Variants in PCDHGB3 observed in about 807,000 individuals in gnomAD.
PCDHGB3 encodes the protein protocadherin gamma subfamily B, 3.
PCDHGB3 carries 40 observed loss-of-function variants against 59.2 expected under a neutral mutation model. That is an observed-to-expected ratio of 0.68 (90% CI 0.52 to 0.88). The LOEUF (loss-of-function observed/expected upper bound fraction) is 0.88. Among genes scored for constraint, PCDHGB3 ranks in the 40% least tolerant of loss-of-function variants. PCDHGB3 has a pLI of 0.00. For synonymous variants in PCDHGB3, 581 were observed against 503.6 expected (o/e 1.15, Z -2.06); for missense variants, 1,309 against 1,187.9 (o/e 1.10, Z -1.50).
intron 1 of PCDHGB3, chr5:141,427,973 C>G (rs754410723): frequency 3.1e-6 from 5 of 1,593,936 alleles, no homozygotes; most frequent in Non-Finnish European, 3.4e-6. Flanking sequence ...TGCTGTACCC[C>G]GCGCTGGGGC....
At chr5:141,462,540 T>G (rs2099042148) in intron 1 of PCDHGB3, among the ~76,000 whole-genome samples, 2 of 152,204 alleles carry the variant, frequency 1.3e-5, no homozygotes, top group Non-Finnish European at 2.9e-5. Flanking sequence ...TCAGTGATCT[T>G]TTCTTCTTCA....
At chr5:141,394,748 C>T (rs960054108) in intron 1 of PCDHGB3, 1 of 1,613,414 alleles carries the variant, frequency 6.2e-7, no homozygotes, top group Non-Finnish European at 8.5e-7. Context: ...TCGTGGTGGC[C>T]GTCCAGGACC....
intron 1 of PCDHGB3, chr5:141,427,356 G>A (rs1295421809): frequency 8.7e-6 from 4 of 457,618 alleles, no homozygotes; most frequent in Non-Finnish European, 1.8e-5. Context: ...AACTGAGGAC[G>A]CAGAACCCTG....
chr5:141,485,561 G>A lies in PCDHGB3; in HGVS notation c.2416-9246G>A. 1.9e-6 allele frequency: 3 copies of A among 1,613,008 alleles called. No homozygotes were observed. The highest frequency in any genetic ancestry group is 1.1e-5 in the South Asian group (1 of 91,026). ...AGAGATCGTAGATGTGAATGATCACGCCCCCCGTTTTCCGCGGCAGCAGCT... is the reference window on the plus strand; with the variant it reads ...AGAGATCGTAGATGTGAATGATCACACCCCCCGTTTTCCGCGGCAGCAGCT... On this transcript the variant is annotated intron_variant, in intron 1 of 3. Transcript: ENST00000576222. The surrounding 1 kb of genome is among the most constrained non-coding windows in gnomAD (Gnocchi z 5.7).
rs1407774111 is a variant in PCDHGB3 at position 141,431,569 on chromosome 5, C to G, written c.2415+58760C>G. On this transcript the variant is annotated intron_variant, in intron 1 of 3. Transcript: ENST00000576222. The surrounding 1 kb of genome is among the most constrained non-coding windows in gnomAD (Gnocchi z 4.8). Reference sequence around the variant, plus strand: ...TTGTAGTCAACGCTACCGACCCTGACGAAGGAGTCAATGCGGAAGTGAGGT... The same window carrying G: ...TTGTAGTCAACGCTACCGACCCTGAGGAAGGAGTCAATGCGGAAGTGAGGT... 5.6e-6 allele frequency: 9 copies of G among 1,614,000 alleles called. No homozygotes were observed. Among genetic ancestry groups the G allele is most frequent in the African/African-American group, 2.7e-5 (2 of 74,932 alleles).
intron 1 of PCDHGB3, chr5:141,404,458 C>A: frequency 6.2e-7 from 1 of 1,612,914 alleles, no homozygotes; most frequent in East Asian, 2.2e-5. Context: ...CTCCTCTCTC[C>A]ACCTATGTCT....
chr5:141,505,803 C>T (rs920849273), intron 3 of PCDHGB3, among the ~76,000 whole-genome samples: 29 of 152,116 alleles, frequency 1.9e-4, no homozygotes, highest in African/African-American at 6.5e-4. Flanking sequence ...GGACTTGGAT[C>T]GACTTGCTCA....
chr5:141,461,230 G>T (rs945407206), intron 1 of PCDHGB3, among the ~76,000 whole-genome samples: 2 of 152,024 alleles, frequency 1.3e-5, no homozygotes, highest in African/African-American at 4.8e-5. Flanking sequence ...TTCCATAGAG[G>T]TTGTACTAAT....
chr5:141,426,630 T>C, intron 1 of PCDHGB3: 1 of 398,080 alleles, frequency 2.5e-6, no homozygotes, highest in South Asian at 1.8e-5. Context: ...TCTAAATGTT[T>C]TTCACATAAA....
Position 141,431,755 on chromosome 5 carries a change from AGTCCT to A in PCDHGB3, c.2415+58948_2415+58952del. On this transcript the variant is annotated intron_variant, in intron 1 of 3. Coordinates refer to ENST00000576222, the MANE Select transcript of PCDHGB3 (RefSeq NM_018924.5). This position sits in a 1 kb window ranked among gnomAD's most constrained non-coding sequence, Gnocchi z 4.8. ...ATGCAGGATATTCTGCGCGAGCCAA[AGTCCT>A]GATCACTGTTCTGGACGTGAACGAC... 6.2e-7 allele frequency: 1 copy of A among 1,614,238 alleles called. No individual in the cohort carries two copies. Among genetic ancestry groups the A allele is most frequent in the Non-Finnish European group, 8.5e-7 (1 of 1,180,048 alleles).
At chr5:141,410,600 C>T in intron 1 of PCDHGB3, 1 of 1,608,048 alleles carries the variant, frequency 6.2e-7, no homozygotes, top group Non-Finnish European at 8.5e-7. Flanking sequence ...TTTGACTTCA[C>T]ATCCTGAGAC....
In PCDHGB3 at chr5:141,423,130, G is replaced by A. The variant is rs770258338; in HGVS notation, c.2415+50321G>A. On this transcript the variant is annotated intron_variant, in intron 1 of 3. Coordinates refer to ENST00000576222, the MANE Select transcript of PCDHGB3 (RefSeq NM_018924.5). The stretch of plus-strand genomic sequence containing the variant: ...GGTGCGTACAGCGCGGGCACTGCTG[G>A]ACAGAGACGCGCTCAAGCAGAGCCT... The A allele has an allele frequency of 9.3e-6, 15 of 1,613,582 alleles. No individual in the cohort carries two copies. Among genetic ancestry groups the A allele is most frequent in the Middle Eastern group, 1.6e-4 (1 of 6,072 alleles).
At position 141,423,686 on chromosome 5, in the gene PCDHGB3, A is replaced by T. The variant is rs752078243; in HGVS notation, c.2415+50877A>T. 10 of 1,328,296 alleles carry T rather than the reference A, an allele frequency of 7.5e-6. No homozygotes were observed. The East Asian group carries it at 3.6e-4, about 47-fold the overall frequency. The allele number at this position is 1,328,296 out of a possible 1,614,324, so 82.3% of individuals were successfully genotyped here. The stretch of plus-strand genomic sequence containing the variant: ...GTGAGATTTATTTCTCTGCCTCCTA[A>T]TTGTTGGTGTCTTGGCACAAGTCTT... On this transcript the variant is annotated intron_variant, in intron 1 of 3. Transcript: ENST00000576222.
intron 1 of PCDHGB3, chr5:141,475,814 TC>T: frequency 3.0e-6 from 1 of 338,520 alleles, no homozygotes; most frequent in Non-Finnish European, 5.4e-6. Flanking sequence ...AAAGTGAAGT[TC>T]CTGGCGCTAG....
At chr5:141,415,753 T>TG in intron 1 of PCDHGB3, 2 of 1,381,386 alleles carry the variant, frequency 1.4e-6, no homozygotes, top group Non-Finnish European at 1.9e-6. Context: ...TTTTTTTTTT[T>TG]TTTTTTTTTT....
Position 141,370,362 on chromosome 5 carries a change from CGGATTTA to C in PCDHGB3, c.-31_-25del. The C allele has an allele frequency of 1.3e-6, 2 of 1,517,790 alleles. No individual in the cohort carries two copies. Among genetic ancestry groups the C allele is most frequent in the Non-Finnish European group, 1.8e-6 (2 of 1,134,366 alleles). The allele number at this position is 1,517,790 out of a possible 1,614,324, so 94.0% of individuals were successfully genotyped here. ...GGATTATTTAAAGATCTCCTCTCCTCGGATTTAGAAAGGCAAAGGCGCAGAGAGCGGG... is the reference window on the plus strand; with the variant it reads ...GGATTATTTAAAGATCTCCTCTCCTCGAAAGGCAAAGGCGCAGAGAGCGGG... On this transcript the variant is annotated 5_prime_UTR_variant, in exon 1 of 4. Transcript: ENST00000576222.
chr5:141,428,233 C>A, intron 1 of PCDHGB3: 1 of 1,049,106 alleles, frequency 9.5e-7, no homozygotes, highest in Non-Finnish European at 1.4e-6. Context: ...AGACAGCCTG[C>A]AGGAGGCACT....
At position 141,490,982 on chromosome 5, in the gene PCDHGB3, G is replaced by T; in HGVS notation, c.2416-3825G>T. ...CACTCAGCCCCCCAGCGTCTCCCTC[G>T]CTCTGCTCCTCCTGGCTCCTTGGTC... On this transcript the variant is annotated intron_variant, in intron 1 of 3. Coordinates refer to ENST00000576222, the MANE Select transcript of PCDHGB3 (RefSeq NM_018924.5). This position sits in a 1 kb window ranked among gnomAD's most constrained non-coding sequence, Gnocchi z 5.4. 1.2e-6 allele frequency: 2 copies of T among 1,613,994 alleles called. No individual in the cohort carries two copies. The highest frequency in any genetic ancestry group is 1.7e-6 in the Non-Finnish European group (2 of 1,180,002).
intron 1 of PCDHGB3, chr5:141,373,926 G>A: frequency 1.5e-6 from 1 of 662,052 alleles, no homozygotes; most frequent in Non-Finnish European, 2.3e-6. Flanking sequence ...AAATTAGACG[G>A]GAAAGCAGGA....
Sources: allele counts gnomAD v4.1 joint callset (sites outside exome capture counted in the v4.1 genomes callset), GRCh38; gene constraint gnomAD v4.1.1; non-coding constraint Gnocchi (gnomAD v3.1); transcripts MANE v1.5; gene names NCBI Gene and HGNC (gene_info 2026-07-23, HGNC 2026-07-21).